TENM3: variants seen among roughly 807,000 people sequenced by gnomAD.
The protein encoded by TENM3 is teneurin transmembrane protein 3.
In TENM3, 63 loss-of-function variants were observed where a neutral mutation model predicts 255.1. The ratio of observed to expected loss-of-function variants is 0.25; its 90% confidence interval spans 0.20 to 0.30. TENM3 has a LOEUF of 0.30. TENM3 is among the 10% of genes least tolerant of loss of function. The pLI is 1.00. For missense variants in TENM3, 2,929 were observed against 3,461.1 expected, an observed-to-expected ratio of 0.85 and a Z score of 3.86; for synonymous variants, 1,306 against 1,322.3, an observed-to-expected ratio of 0.99 and a Z score of 0.27.
At chr4:181,530,164 C>A in the TENM3 span, among the ~76,000 whole-genome samples, 1 of 152,116 alleles carries the variant, frequency 6.6e-6, no homozygotes, top group East Asian at 1.9e-4. Context: ...ACTATTATTT[C>A]TTTCTCAGTG....
the TENM3 span, among the ~76,000 whole-genome samples, chr4:181,789,868 A>AT: frequency 6.6e-6 from 1 of 152,086 alleles, no homozygotes; most frequent in Non-Finnish European, 1.5e-5. Flanking sequence ...ACCATGTCCT[A>AT]TGCCCTACAC....
chr4:181,635,812 A>G, the TENM3 span, among the ~76,000 whole-genome samples: 1 of 152,122 alleles, frequency 6.6e-6, no homozygotes, highest in East Asian at 1.9e-4. Context: ...CAGTAATAGC[A>G]TAGGCTTCTG....
chr4:182,541,306 C>CTG (rs985430880), intron 3 of TENM3, among the ~76,000 whole-genome samples: 8 of 151,980 alleles, frequency 5.3e-5, no homozygotes, highest in South Asian at 2.1e-4. Flanking sequence ...GAAAGTGATT[C>CTG]TGTGTGTGTG....
intron 6 of TENM3, among the ~76,000 whole-genome samples, chr4:182,668,371 C>T (rs1023409959): frequency 2.0e-5 from 3 of 152,096 alleles, no homozygotes; most frequent in Non-Finnish European, 2.9e-5. Flanking sequence ...TAATCTCCTA[C>T]CCCGTTCCTT....
intron 3 of TENM3, among the ~76,000 whole-genome samples, chr4:182,444,358 A>G (rs1228986278): frequency 6.6e-6 from 1 of 152,224 alleles, no homozygotes; most frequent in Admixed American, 6.5e-5. Context: ...CTAATGTACC[A>G]TTATTATTAC....
chr4:181,666,686 C>T, the TENM3 span, among the ~76,000 whole-genome samples: 1 of 152,196 alleles, frequency 6.6e-6, no homozygotes, highest in Admixed American at 6.5e-5. Flanking sequence ...TTGTTTCAAA[C>T]TGAGACCAAA....
intron 6 of TENM3, among the ~76,000 whole-genome samples, chr4:182,672,174 G>A (rs1027873220): frequency 3.9e-5 from 6 of 152,060 alleles, no homozygotes; most frequent in South Asian, 2.1e-4. Flanking sequence ...GAGGAACATC[G>A]TACCAAAAAG....
At chr4:181,602,247 A>G in the TENM3 span, among the ~76,000 whole-genome samples, 1 of 152,218 alleles carries the variant, frequency 6.6e-6, no homozygotes, top group African/African-American at 2.4e-5. Flanking sequence ...TTAGACTCCC[A>G]CAGCAACATT....
chr4:182,161,637 ATG>A (rs1235982301), intron 1 of TENM3, among the ~76,000 whole-genome samples: 1 of 85,888 alleles, frequency 1.2e-5, no homozygotes, highest in African/African-American at 4.5e-5. Flanking sequence ...AAATATATAT[ATG>A]TATATATATA....
rs932043320 is a variant in TENM3 at position 182,441,044 on chromosome 4, A to G, written c.511+94115A>G. ...TTGTAATGTATTACTTGGAATGGCTATGGCACGGAAGGGCTTTTTTTTAAC... is the reference window on the plus strand; with the variant it reads ...TTGTAATGTATTACTTGGAATGGCTGTGGCACGGAAGGGCTTTTTTTTAAC... On this transcript the variant is annotated intron_variant, in intron 3 of 27. Transcript: ENST00000511685. Among the ~76,000 whole-genome samples, 5 of 152,230 alleles carry G rather than the reference A, an allele frequency of 3.3e-5. No individual in the cohort carries two copies. The South Asian group carries it at 8.3e-4, about 25-fold the overall frequency.
chr4:181,890,834 T>C, the TENM3 span, among the ~76,000 whole-genome samples: 10 of 152,170 alleles, frequency 6.6e-5, no homozygotes, highest in African/African-American at 2.2e-4. Context: ...AGTGGGTTGC[T>C]CAACTACGGA....
the TENM3 span, among the ~76,000 whole-genome samples, chr4:182,075,244 G>A: frequency 1.5e-5 from 2 of 136,444 alleles, no homozygotes; most frequent in African/African-American, 5.7e-5. Flanking sequence ...TGCCGCCCAG[G>A]CTGGAGTGCA....
At chr4:181,482,119 T>G in the TENM3 span, among the ~76,000 whole-genome samples, 30 of 152,266 alleles carry the variant, frequency 2.0e-4, no homozygotes, top group African/African-American at 7.2e-4. Flanking sequence ...GTATTTAATT[T>G]TATTTTTTGA....
chr4:182,615,447 A>G (rs1169243504), intron 4 of TENM3, among the ~76,000 whole-genome samples: 1 of 152,178 alleles, frequency 6.6e-6, no homozygotes, highest in Non-Finnish European at 1.5e-5. Flanking sequence ...ATAGAGTCCC[A>G]AGAGAAAAGG....
rs1561320995 is a variant in TENM3, at chr4:182,324,082, G to A, written c.62G>A (p.Arg21Gln). 6.2e-7 allele frequency: 1 copy of A among 1,613,958 alleles called. No homozygotes were observed. Among genetic ancestry groups the A allele is most frequent in the South Asian group, 1.1e-5 (1 of 91,078 alleles). ...ACCAAGAGCAGACGAGAGAAGGAAC[G>A]GCGCTACACAAATTCCTCCGCAGAC... ...SLTKSRREKE[R>Q]RYTNSSADNE... The change falls in exon 2 of 28, where the codon CGG becomes CAG. Residue 21 changes from arginine (R) to glutamine (Q), a missense_variant. By Grantham distance (43) the Arg-to-Gln change is conservative. Around this residue, in one of 6 missense-constraint regions of TENM3, gnomAD observed 283 missense variants for 256.9 expected, o/e 1.10. Transcript: ENST00000511685.
At chr4:181,991,131 C>A in the TENM3 span, among the ~76,000 whole-genome samples, 1 of 151,810 alleles carries the variant, frequency 6.6e-6, no homozygotes, top group Non-Finnish European at 1.5e-5. Context: ...AATTTTAAAG[C>A]AAAATTAGAA....
At chr4:182,030,883 G>A in the TENM3 span, among the ~76,000 whole-genome samples, 35 of 152,144 alleles carry the variant, frequency 2.3e-4, no homozygotes, top group East Asian at 2.5e-3. Flanking sequence ...CATGTCCTTC[G>A]CCCACGTTTT....
chr4:182,679,908 G>A, intron 8 of TENM3, 32 bp downstream of exon 8: 1 of 1,553,236 alleles, frequency 6.4e-7, no homozygotes, highest in Non-Finnish European at 8.8e-7. Context: ...GCATTTTCCA[G>A]GCTATAGCCT....
At chr4:182,776,855 A>C (rs75099425) in intron 24 of TENM3, among the ~76,000 whole-genome samples, 2,285 of 152,324 alleles carry the variant, frequency 0.015, 101 homozygotes, top group Admixed American at 0.086. Flanking sequence ...GTTTTAGAAA[A>C]TACGCTATTT....
Sources: gnomAD v4.1 joint callset for allele counts (sites outside exome capture counted in the v4.1 genomes callset) on GRCh38, gnomAD v4.1.1 for gene constraint, gnomAD v4.1.1 regional missense constraint, MANE v1.5 for transcripts, NCBI Gene and HGNC (gene_info 2026-07-23, HGNC 2026-07-21) for gene names.